Variants in ADCK1 observed in about 807,000 individuals in gnomAD.
ADCK1 encodes aarF domain-containing protein kinase 1.
Under a neutral mutation model 52.3 loss-of-function variants are expected in ADCK1, and 41 were observed. That is an observed-to-expected ratio of 0.78 (90% CI 0.61 to 1.02). ADCK1 has a LOEUF of 1.02. ADCK1 is among the 50% of genes least tolerant of loss of function. The pLI is 0.00. For synonymous variants in ADCK1, 250 were observed against 274.6 expected, an observed-to-expected ratio of 0.91 and a Z score of 0.89; for missense variants, 658 against 679.5, an observed-to-expected ratio of 0.97 and a Z score of 0.35.
chr14:77,850,257 A>G (rs1379710362), intron 3 of ADCK1, among the ~76,000 whole-genome samples: 1 of 152,192 alleles, frequency 6.6e-6, no homozygotes, highest in Non-Finnish European at 1.5e-5. Flanking sequence ...TTCCTCTTAT[A>G]CTTGAAAATA....
At chr14:77,862,163 C>T (rs747160182) in intron 4 of ADCK1, among the ~76,000 whole-genome samples, 3 of 152,166 alleles carry the variant, frequency 2.0e-5, no homozygotes, top group Non-Finnish European at 4.4e-5. Context: ...CTAGTATTAC[C>T]AGAAAGAAAC....
At chr14:77,812,836 C>T (rs895537286) in intron 1 of ADCK1, among the ~76,000 whole-genome samples, 15 of 151,842 alleles carry the variant, frequency 9.9e-5, no homozygotes, top group Admixed American at 4.6e-4. Context: ...GTGATCTGCC[C>T]GCCTCGGCCT....
intron 7 of ADCK1, among the ~76,000 whole-genome samples, chr14:77,919,206 C>T (rs530346271): frequency 1.8e-4 from 28 of 152,326 alleles, no homozygotes; most frequent in East Asian, 7.7e-4. Context: ...TGAGCCACCA[C>T]GCCAGGCCCC....
At chr14:77,814,056 C>A (rs1277695011) in intron 1 of ADCK1, among the ~76,000 whole-genome samples, 5 of 151,868 alleles carry the variant, frequency 3.3e-5, no homozygotes, top group African/African-American at 1.2e-4. Flanking sequence ...GTGTGAGCCA[C>A]CACGCCGAGC....
At chr14:77,916,783 C>G (rs538227826) in intron 7 of ADCK1, among the ~76,000 whole-genome samples, 1 of 152,230 alleles carries the variant, frequency 6.6e-6, no homozygotes, top group Non-Finnish European at 1.5e-5. Context: ...AGCACCTTTG[C>G]GCTTACAGAC....
intron 1 of ADCK1, among the ~76,000 whole-genome samples, chr14:77,815,397 G>A (rs1204429936): frequency 6.6e-6 from 1 of 151,530 alleles, no homozygotes; most frequent in African/African-American, 2.4e-5. Flanking sequence ...TGTAGAGATG[G>A]GGTCTCCCTT....
rs143170023 is a variant in ADCK1, at chr14:77,859,177, G to T, written c.321G>T (p.Leu107Phe). 6.2e-7 allele frequency: 1 copy of T among 1,613,908 alleles called. No individual in the cohort carries two copies. The highest frequency in any genetic ancestry group is 1.3e-5 in the African/African-American group (1 of 74,902). ...GQHLGALDYL[L>F]PEEYTSTLKV... ...ACCTGGGGGCTCTGGACTACCTGTT[G>T]CCAGAGGAGTACACCAGCACGCTGA... The change falls in exon 4 of 11, where the codon TTG becomes TTT. Residue 107 changes from leucine to phenylalanine, a missense_variant. By Grantham distance (22) the Leu-to-Phe change is conservative. Transcript: ENST00000238561.
At chr14:77,818,123 G>A (rs1342014712) in intron 1 of ADCK1, among the ~76,000 whole-genome samples, 2 of 152,164 alleles carry the variant, frequency 1.3e-5, no homozygotes, top group Non-Finnish European at 2.9e-5. Context: ...CTGAGTAGCC[G>A]CCATTTTGGC....
At chr14:77,914,304 C>A in intron 7 of ADCK1, 2 of 621,608 alleles carry the variant, frequency 3.2e-6, no homozygotes, top group Non-Finnish European at 4.0e-6. Flanking sequence ...GCCTTCTTTA[C>A]TACTTTTAGA....
At chr14:77,872,748 C>T (rs1156761966) in intron 4 of ADCK1, among the ~76,000 whole-genome samples, 2 of 150,762 alleles carry the variant, frequency 1.3e-5, no homozygotes, top group African/African-American at 4.9e-5. Context: ...GGTCTTGGCT[C>T]ACTGCAACCT....
At chr14:77,899,280 A>AG (rs2083478209) in intron 6 of ADCK1, 22 bp downstream of exon 6, 7 of 1,613,368 alleles carry the variant, frequency 4.3e-6, no homozygotes, top group Non-Finnish European at 5.9e-6. Flanking sequence ...GATGCAATGC[A>AG]GGGTATGGTG....
chr14:77,819,206 T>C lies in ADCK1; in HGVS notation c.135+93T>C, dbSNP rs1021209896. On this transcript the variant is annotated intron_variant, in intron 2 of 10. Transcript: ENST00000238561. The stretch of plus-strand genomic sequence containing the variant: ...CAGATAGACATGCCTGCTATGCATA[T>C]GTGGAGATACTTGTGTATCCTTACA... 17 of 1,542,300 alleles carry C rather than the reference T, an allele frequency of 1.1e-5. No homozygotes were observed. The Admixed American group carries it at 3.0e-4, about 27-fold the overall frequency.
At chr14:77,850,441 T>C (rs1308093487) in intron 3 of ADCK1, among the ~76,000 whole-genome samples, 1 of 152,228 alleles carries the variant, frequency 6.6e-6, no homozygotes, top group Admixed American at 6.5e-5. Flanking sequence ...CTTTGCAGTT[T>C]CATTAGTTTT....
intron 3 of ADCK1, among the ~76,000 whole-genome samples, chr14:77,830,033 G>T (rs918626350): frequency 3.3e-5 from 5 of 151,380 alleles, no homozygotes; most frequent in African/African-American, 1.2e-4. Flanking sequence ...GGGACTCAAG[G>T]CCAGGTTTTA....
At position 77,822,531 on chromosome 14, in the gene ADCK1, T is replaced by C. The variant is rs199984289; in HGVS notation, c.219+13T>C. 16 of 1,606,738 alleles carry C rather than the reference T, an allele frequency of 1.0e-5. No individual in the cohort carries two copies. In the African/African-American group the frequency reaches 1.9e-4, roughly 19 times the overall value. ...GCTGAGATCTAAGGTAAGTAACCCA[T>C]GGGACCCATCTGAGCCAGGCCAGGA... On this transcript the variant is annotated intron_variant, in intron 3 of 10. Transcript: ENST00000238561.
At chr14:77,852,339 A>G (rs2082300757) in intron 3 of ADCK1, among the ~76,000 whole-genome samples, 1 of 151,910 alleles carries the variant, frequency 6.6e-6, no homozygotes, top group African/African-American at 2.4e-5. Flanking sequence ...GTTATCTCCT[A>G]CAGTTTTCCT....
At chr14:77,835,346 G>A (rs547533298) in intron 3 of ADCK1, among the ~76,000 whole-genome samples, 2 of 152,290 alleles carry the variant, frequency 1.3e-5, no homozygotes, top group African/African-American at 4.8e-5. Context: ...TGCAGTTGTA[G>A]CCTATGGGTA....
At chr14:77,832,325 C>A (rs1424943635) in intron 3 of ADCK1, among the ~76,000 whole-genome samples, 1 of 152,180 alleles carries the variant, frequency 6.6e-6, no homozygotes, top group African/African-American at 2.4e-5. Context: ...TGTAGCACAT[C>A]ATGAACTTGA....
chr14:77,818,857 A>C, intron 1 of ADCK1, 111 bp from the exon 2 acceptor site: 5 of 1,264,796 alleles, frequency 4.0e-6, no homozygotes, highest in Non-Finnish European at 5.5e-6. Flanking sequence ...CAGTGAGATT[A>C]ATGATCCAAG....
Sources: gnomAD v4.1 joint callset for allele counts (sites outside exome capture counted in the v4.1 genomes callset) on GRCh38, gnomAD v4.1.1 for gene constraint, MANE v1.5 for transcripts, NCBI Gene and HGNC (gene_info 2026-07-23, HGNC 2026-07-21) for gene names.